Variants in RBFOX3 observed in about 807,000 individuals in gnomAD.
The protein encoded by RBFOX3 is RNA binding protein fox-1 homolog 3.
In RBFOX3, 17 loss-of-function variants were observed where a neutral mutation model predicts 48.7. The ratio of observed to expected loss-of-function variants is 0.35; its 90% confidence interval spans 0.24 to 0.52. RBFOX3 has a LOEUF of 0.52. Ranked by LOEUF, RBFOX3 falls within the 20% of genes least tolerant of loss-of-function variation. RBFOX3 has a pLI of 0.94. For synonymous variants in RBFOX3, 212 were observed against 209.5 expected, an observed-to-expected ratio of 1.01 and a Z score of -0.10; for missense variants, 382 against 497.5, an observed-to-expected ratio of 0.77 and a Z score of 2.21.
Position 79,252,717 on chromosome 17 carries a change from C to T in RBFOX3, c.-73-16912G>A, listed in dbSNP as rs1003877367. Among the ~76,000 whole-genome samples the T allele has an allele frequency of 2.0e-5, 3 of 152,238 alleles. No homozygotes were observed. The highest frequency in any genetic ancestry group is 2.9e-5 in the Non-Finnish European group (2 of 68,042). On this transcript the variant is annotated intron_variant, in intron 3 of 14. Coordinates refer to ENST00000693108, the MANE Select transcript of RBFOX3 (RefSeq NM_001350451.2). The surrounding 1 kb of genome is among the most constrained non-coding windows in gnomAD (Gnocchi z 4.0). ...TCCTCTTGGAAAGTTCTCAGCGTCA[C>T]ATCGCTCTGGCTGTGTTGACCACTC...
chr17:79,365,528 C>T (rs558733245), intron 2 of RBFOX3, among the ~76,000 whole-genome samples: 1 of 152,246 alleles, frequency 6.6e-6, no homozygotes, highest in Non-Finnish European at 1.5e-5. Flanking sequence ...CGCTCCCACG[C>T]GAACACCAGA....
intron 3 of RBFOX3, among the ~76,000 whole-genome samples, chr17:79,247,102 A>C (rs1336094785): frequency 6.6e-6 from 1 of 152,196 alleles, no homozygotes; most frequent in East Asian, 1.9e-4. Context: ...ATCCGTCTCC[A>C]TCAACCTACT....
chr17:79,518,531 G>T (rs953157925), intron 1 of RBFOX3, among the ~76,000 whole-genome samples: 26 of 152,336 alleles, frequency 1.7e-4, no homozygotes, highest in African/African-American at 5.8e-4. Context: ...ATACCCACGT[G>T]GGGGAAACAC....
intron 4 of RBFOX3, among the ~76,000 whole-genome samples, chr17:79,178,220 C>A (rs933850348): frequency 6.6e-6 from 1 of 152,220 alleles, no homozygotes; most frequent in Non-Finnish European, 1.5e-5. Flanking sequence ...GAACAAGACA[C>A]CATGTGGAGG....
At chr17:79,596,193 C>T (rs1331200279) in intron 1 of RBFOX3, among the ~76,000 whole-genome samples, 1 of 152,200 alleles carries the variant, frequency 6.6e-6, no homozygotes, top group Non-Finnish European at 1.5e-5. Context: ...TTCTGGGAAA[C>T]AATTGCACAC....
At chr17:79,660,885 C>T in the RBFOX3 span, among the ~76,000 whole-genome samples, 1 of 152,258 alleles carries the variant, frequency 6.6e-6, no homozygotes, top group South Asian at 2.1e-4. Flanking sequence ...AACCCAAATG[C>T]CCATCAATCA....
rs962236168 is a variant in RBFOX3 at position 79,390,889 on chromosome 17, C to A, written c.-174-83065G>T. Among the ~76,000 whole-genome samples, 2 of 152,146 alleles carry A rather than the reference C, an allele frequency of 1.3e-5. No individual in the cohort carries two copies. Among genetic ancestry groups the A allele is most frequent in the Non-Finnish European group, 2.9e-5 (2 of 68,026 alleles). ...CCTGCCCAGACACCTCGGGATGAGC[C>A]CCTGGTGGGACTGCTCGGGTGCCGG... On this transcript the variant is annotated intron_variant, in intron 2 of 14. Coordinates refer to ENST00000693108, the MANE Select transcript of RBFOX3 (RefSeq NM_001350451.2). The surrounding 1 kb of genome is among the most constrained non-coding windows in gnomAD (Gnocchi z 4.2).
intron 3 of RBFOX3, among the ~76,000 whole-genome samples, chr17:79,282,145 AG>A (rs1217382542): frequency 1.3e-5 from 2 of 152,024 alleles, no homozygotes; most frequent in Non-Finnish European, 1.5e-5. Context: ...GCAGTTCTGG[AG>A]GGGGGCTTGG....
rs1472683973 is a variant in RBFOX3 at position 79,421,189 on chromosome 17, C to T, written c.-175+61265G>A. ...CTCCGTGCCCTAACCTACAGGCCTC[C>T]ATGCCCTAACCTCCGCGGCCGCTTC... On this transcript the variant is annotated intron_variant, in intron 2 of 14. Coordinates refer to ENST00000693108, the MANE Select transcript of RBFOX3 (RefSeq NM_001350451.2). This position sits in a 1 kb window ranked among gnomAD's most constrained non-coding sequence, Gnocchi z 4.5. 6.6e-6 allele frequency among the ~76,000 whole-genome samples: 1 copy of T among 152,196 alleles called. No individual in the cohort carries two copies. The highest frequency in any genetic ancestry group is 1.5e-5 in the Non-Finnish European group (1 of 68,024).
chr17:79,424,351 G>A (rs1555724454), intron 2 of RBFOX3, among the ~76,000 whole-genome samples: 1 of 152,180 alleles, frequency 6.6e-6, no homozygotes, highest in African/African-American at 2.4e-5. Context: ...GAAGTCCACA[G>A]CCAGGAAGCC....
chr17:79,181,986 CACACACACACACACAA>C (rs1303015071), intron 4 of RBFOX3, among the ~76,000 whole-genome samples: 4 of 131,378 alleles, frequency 3.0e-5, no homozygotes, highest in African/African-American at 5.4e-5. Flanking sequence ...CACACACACA[CACACACACACACACAA>C]ACACACAATC....
At chr17:79,194,742 C>G (rs111370881) in intron 4 of RBFOX3, among the ~76,000 whole-genome samples, 535 of 50,848 alleles carry the variant, frequency 0.011, 6 homozygotes, top group South Asian at 0.036. Flanking sequence ...GAGACACTCC[C>G]TGTGTGTGTG....
At chr17:79,241,159 C>T (rs2062310686) in intron 3 of RBFOX3, among the ~76,000 whole-genome samples, 1 of 150,334 alleles carries the variant, frequency 6.7e-6, no homozygotes, top group Non-Finnish European at 1.5e-5. Context: ...AGCTATCTAT[C>T]TGTCTATCTA....
In RBFOX3 at chr17:79,101,517, A is replaced by G. The variant is rs367791522; in HGVS notation, c.568+67T>C. 969 of 1,388,544 alleles carry G rather than the reference A, an allele frequency of 7.0e-4. 4 individuals carry two copies. The African/African-American group carries it at 0.012, about 17-fold the overall frequency. 86.0% of individuals were successfully genotyped at this position (1,388,544 alleles called of 1,614,324 possible). A position where few individuals can be genotyped will look rare whatever the true frequency, so the allele number is the denominator to read the frequency against. ...AGGAAGGTCAGCCTGCAGCAGCCTCAGCTCCCCCAGGGCCTCTGTCCCAGC... is the reference window on the plus strand; with the variant it reads ...AGGAAGGTCAGCCTGCAGCAGCCTCGGCTCCCCCAGGGCCTCTGTCCCAGC... On this transcript the variant is annotated intron_variant, in intron 9 of 14. Transcript: ENST00000693108.
chr17:79,295,281 G>A (rs1204966962), intron 3 of RBFOX3, among the ~76,000 whole-genome samples: 1 of 152,222 alleles, frequency 6.6e-6, no homozygotes, highest in Non-Finnish European at 1.5e-5. Flanking sequence ...CCTGCCCACA[G>A]CAGATTTTCC....
chr17:79,120,901 C>T (rs1428411871), intron 4 of RBFOX3, among the ~76,000 whole-genome samples: 2 of 152,060 alleles, frequency 1.3e-5, no homozygotes, highest in South Asian at 2.1e-4. Context: ...TGCTCTACTC[C>T]ACAGCCCACA....
At chr17:79,213,327 G>T (rs915904736) in intron 4 of RBFOX3, among the ~76,000 whole-genome samples, 1 of 152,224 alleles carries the variant, frequency 6.6e-6, no homozygotes, top group Non-Finnish European at 1.5e-5. Context: ...CGGCGGGGGG[G>T]CACCTGGATC....
chr17:79,551,686 G>T (rs2091173947), intron 1 of RBFOX3, among the ~76,000 whole-genome samples: 1 of 152,128 alleles, frequency 6.6e-6, no homozygotes, highest in Non-Finnish European at 1.5e-5. Context: ...GTGAGTTCTT[G>T]CTCTGTGAGT....
At chr17:79,120,179 T>C (rs1441781959) in intron 4 of RBFOX3, among the ~76,000 whole-genome samples, 1 of 152,182 alleles carries the variant, frequency 6.6e-6, no homozygotes, top group East Asian at 1.9e-4. Flanking sequence ...CAGGGGACTG[T>C]ACATTCTCAG....
Sources: gnomAD v4.1 joint callset for allele counts (sites outside exome capture counted in the v4.1 genomes callset) on GRCh38, gnomAD v4.1.1 for gene constraint, Gnocchi (gnomAD v3.1) non-coding constraint, MANE v1.5 for transcripts, NCBI Gene and HGNC (gene_info 2026-07-23, HGNC 2026-07-21) for gene names.